Variants in NBAS observed in about 807,000 individuals in gnomAD.
The protein encoded by NBAS is NAG/BC035112 fusion.
In NBAS, 219 loss-of-function variants were observed where a neutral mutation model predicts 302.5. The observed-to-expected ratio is 0.72, with a 90% CI of 0.65 to 0.81. NBAS has a LOEUF of 0.81. Ranked by LOEUF, NBAS falls within the 30% of genes least tolerant of loss-of-function variation. NBAS has a pLI of 0.00. For missense variants in NBAS, 2,932 were observed against 2,841.6 expected (o/e 1.03, Z -0.72); for synonymous variants, 1,118 against 1,021.6 (o/e 1.09, Z -1.80).
At chr2:15,170,401 T>C (rs528356940) in intron 51 of NBAS, among the ~76,000 whole-genome samples, 2 of 152,324 alleles carry the variant, frequency 1.3e-5, no homozygotes, top group African/African-American at 4.8e-5. Context: ...TGGCTGAGAA[T>C]GCCTAAGGCT....
intron 42 of NBAS, among the ~76,000 whole-genome samples, chr2:15,278,457 T>C (rs941393543): frequency 1.3e-5 from 2 of 152,218 alleles, no homozygotes; most frequent in Non-Finnish European, 2.9e-5. Flanking sequence ...TCTATCTTCC[T>C]TCCTAGACTG....
chr2:15,275,715 G>T lies in NBAS; in HGVS notation c.5493C>A (p.Pro1831=), dbSNP rs1669545118. The part of the protein sequence containing the change: ...QNILSISKLV[P]KIPEKDGQML... ...TCTGTCCATCCTTTTCAGGGATTTT[G>T]GGAACAAGTTTGGAAATAGACAAGA... Residue 1831 remains proline, a synonymous_variant, in exon 44 of 52, where the codon CCC becomes CCA. Transcript: ENST00000281513. 6.2e-7 allele frequency: 1 copy of T among 1,614,046 alleles called. No homozygotes were observed. The highest frequency in any genetic ancestry group is 1.3e-5 in the African/African-American group (1 of 74,914).
the NBAS span, among the ~76,000 whole-genome samples, chr2:14,889,462 A>T: frequency 7.9e-5 from 12 of 152,360 alleles, no homozygotes; most frequent in African/African-American, 2.6e-4. Context: ...GGTGGATATC[A>T]TATGGAAGTA....
At chr2:14,787,867 C>T in the NBAS span, among the ~76,000 whole-genome samples, 26 of 152,294 alleles carry the variant, frequency 1.7e-4, no homozygotes, top group Admixed American at 7.9e-4. Flanking sequence ...GAATGTTGGC[C>T]TGCCTTGCTA....
the NBAS span, among the ~76,000 whole-genome samples, chr2:14,955,278 T>C: frequency 6.6e-6 from 1 of 152,224 alleles, no homozygotes; most frequent in Non-Finnish European, 1.5e-5. Context: ...CCCACAGCCT[T>C]GGGCAACTCC....
At chr2:15,275,958 T>C in intron 43 of NBAS, 140 bp from the exon 44 acceptor site, 1 of 753,890 alleles carries the variant, frequency 1.3e-6, no homozygotes, top group Non-Finnish European at 2.2e-6. Flanking sequence ...AGTTTATATT[T>C]TCTATTAGAA....
the NBAS span, among the ~76,000 whole-genome samples, chr2:15,013,667 T>C: frequency 2.4e-4 from 36 of 151,924 alleles, no homozygotes; most frequent in African/African-American, 8.2e-4. Context: ...ATCTGTAATC[T>C]CATCTACTCA....
chr2:15,379,573 T>G, intron 30 of NBAS, 29 bp downstream of exon 30: 1 of 1,600,624 alleles, frequency 6.2e-7, no homozygotes, highest in South Asian at 1.1e-5. Context: ...TCCCCCTCCA[T>G]CTTAGGGAAG....
At chr2:15,549,938 A>G (rs2148707234) in intron 6 of NBAS, among the ~76,000 whole-genome samples, 1 of 152,186 alleles carries the variant, frequency 6.6e-6, no homozygotes, top group Admixed American at 6.5e-5. Context: ...GAACTGCTTG[A>G]GCCCAGGAGT....
At chr2:15,281,900 T>C (rs971777230) in intron 42 of NBAS, among the ~76,000 whole-genome samples, 2 of 152,204 alleles carry the variant, frequency 1.3e-5, no homozygotes, top group African/African-American at 2.4e-5. Context: ...ATGGAAGGAA[T>C]CACTTCCACT....
At chr2:14,941,472 C>A in the NBAS span, among the ~76,000 whole-genome samples, 1 of 152,170 alleles carries the variant, frequency 6.6e-6, no homozygotes, top group Non-Finnish European at 1.5e-5. Context: ...GAAAGGAATC[C>A]TGGAAGCTTC....
At chr2:14,803,447 C>T in the NBAS span, among the ~76,000 whole-genome samples, 2 of 152,154 alleles carry the variant, frequency 1.3e-5, no homozygotes, top group Non-Finnish European at 2.9e-5. Context: ...TCCTAGACTC[C>T]AAGCTCCTTC....
intron 49 of NBAS, 47 bp from the exon 50 acceptor site, chr2:15,186,927 T>C: frequency 6.2e-7 from 1 of 1,611,746 alleles, no homozygotes; most frequent in Non-Finnish European, 8.5e-7. Flanking sequence ...TGACTAAAGT[T>C]ATCATAATTG....
chr2:15,143,973 A>G, the NBAS span, among the ~76,000 whole-genome samples: 2 of 149,020 alleles, frequency 1.3e-5, no homozygotes, highest in Non-Finnish European at 3.0e-5. Context: ...TGCTCCTCAG[A>G]CCACAGATAG....
chr2:15,020,149 C>A, the NBAS span, among the ~76,000 whole-genome samples: 1 of 152,122 alleles, frequency 6.6e-6, no homozygotes, highest in African/African-American at 2.4e-5. Context: ...TTTGGAGATG[C>A]TCCAAAGGGA....
chr2:15,258,101 T>C (rs1443898920), intron 44 of NBAS, among the ~76,000 whole-genome samples: 3 of 152,212 alleles, frequency 2.0e-5, no homozygotes, highest in Admixed American at 2.0e-4. Flanking sequence ...GCTGGAGCCG[T>C]GGCAGAGGAA....
the NBAS span, among the ~76,000 whole-genome samples, chr2:14,993,421 CT>C: frequency 3.3e-5 from 5 of 152,296 alleles, no homozygotes; most frequent in African/African-American, 1.2e-4. Flanking sequence ...TTCTTCTGCT[CT>C]CCCAAACCTC....
intron 48 of NBAS, among the ~76,000 whole-genome samples, chr2:15,195,363 C>T (rs1377534962): frequency 1.3e-5 from 2 of 152,068 alleles, no homozygotes; most frequent in Non-Finnish European, 2.9e-5. Context: ...AAGTCACTCA[C>T]AAAGGGTTAT....
rs767738194 is a variant in NBAS, at chr2:15,356,393, C to A, written c.3841G>T (p.Gly1281Ter). The A allele has an allele frequency of 1.2e-6, 2 of 1,613,676 alleles. No homozygotes were observed. Among genetic ancestry groups the A allele is most frequent in the Non-Finnish European group, 1.7e-6 (2 of 1,179,806 alleles). ...TCCACTAAAAGGATTAGAACCTGTCCCCGCCTTTCTTCTGGGTTCTCACCT... is the reference window on the plus strand; with the variant it reads ...TCCACTAAAAGGATTAGAACCTGTCACCGCCTTTCTTCTGGGTTCTCACCT... ...VAGENPEERR[G>*]QVLILLVEQA... The change falls in exon 33 of 52, where the codon GGA (glycine) becomes TGA (stop). Residue 1281 changes from glycine to a stop codon, truncating the protein, a stop_gained. Coordinates refer to ENST00000281513, the MANE Select transcript of NBAS (RefSeq NM_015909.4). LOFTEE classifies it high-confidence loss of function.
Sources: allele counts gnomAD v4.1 joint callset (sites outside exome capture counted in the v4.1 genomes callset), GRCh38; gene constraint gnomAD v4.1.1; transcripts MANE v1.5; gene names NCBI Gene and HGNC (gene_info 2026-07-23, HGNC 2026-07-21).